SGCD: variants seen among roughly 807,000 people sequenced by gnomAD.
SGCD encodes sarcoglycan delta.
In SGCD, 18 loss-of-function variants were observed where a neutral mutation model predicts 36.6. The observed-to-expected ratio is 0.49, with a 90% CI of 0.34 to 0.73. The LOEUF (loss-of-function observed/expected upper bound fraction) is 0.73, where lower values mean the gene tolerates loss of function less well. Ranked by LOEUF, SGCD falls within the 30% of genes least tolerant of loss-of-function variation. The pLI is 0.01. For synonymous variants in SGCD, 133 were observed against 130.6 expected, an observed-to-expected ratio of 1.02 and a Z score of -0.12; for missense variants, 387 against 346.7, an observed-to-expected ratio of 1.12 and a Z score of -0.92.
chr5:155,939,550 C>T (rs1757281748), intron 1 of SGCD, among the ~76,000 whole-genome samples: 1 of 149,834 alleles, frequency 6.7e-6, no homozygotes, highest in Non-Finnish European at 1.5e-5. Context: ...AAGGCTGAGA[C>T]AGGAGAATTG....
intron 3 of SGCD, among the ~76,000 whole-genome samples, chr5:156,278,942 T>C (rs2127672553): frequency 6.6e-6 from 1 of 152,256 alleles, no homozygotes; most frequent in Admixed American, 6.5e-5. Context: ...ATGAAAGCAA[T>C]GTTGTCTTCT....
At chr5:156,049,413 G>A (rs1759859026) in intron 1 of SGCD, among the ~76,000 whole-genome samples, 1 of 144,936 alleles carries the variant, frequency 6.9e-6, no homozygotes, top group Admixed American at 6.9e-5. Context: ...AATTCCCTTG[G>A]GCAGTATGGC....
intron 3 of SGCD, among the ~76,000 whole-genome samples, chr5:156,417,619 C>T (rs755326609): frequency 7.2e-5 from 11 of 152,276 alleles, no homozygotes; most frequent in Non-Finnish European, 1.0e-4. Flanking sequence ...TCCTGGCTTG[C>T]ATCCTCACAT....
intron 6 of SGCD, among the ~76,000 whole-genome samples, chr5:156,635,451 T>A (rs967842441): frequency 2.0e-5 from 3 of 152,148 alleles, no homozygotes; most frequent in Non-Finnish European, 4.4e-5. Flanking sequence ...TGTAAACTAG[T>A]TCAACCATTG....
At chr5:156,222,651 AT>A (rs1213542882) in intron 3 of SGCD, among the ~76,000 whole-genome samples, 11 of 152,086 alleles carry the variant, frequency 7.2e-5, no homozygotes. Context: ...TTTGTCTCAA[AT>A]TTTTACAAAA....
Position 155,872,689 on chromosome 5 carries a change from T to C in SGCD, c.-282+2265T>C, listed in dbSNP as rs573232279. Among the ~76,000 whole-genome samples the C allele has an allele frequency of 3.3e-5, 5 of 152,230 alleles. No individual in the cohort carries two copies. The East Asian group carries it at 7.7e-4, about 24-fold the overall frequency. On this transcript the variant is annotated intron_variant, in intron 1 of 9. Coordinates refer to the SGCD transcript ENST00000517913. Reference sequence around the variant, plus strand: ...TTATTAAGTACTTCACTGAGAACCATAGAATGTCAGATGCTGTACCAAGGG... The same window carrying C: ...TTATTAAGTACTTCACTGAGAACCACAGAATGTCAGATGCTGTACCAAGGG...
Position 156,557,920 on chromosome 5 carries a change from T to C in SGCD, c.295-31311T>C, listed in dbSNP as rs72801143. Among the ~76,000 whole-genome samples, 903 of 151,834 alleles carry C rather than the reference T, an allele frequency of 5.9e-3. 6 individuals carry two copies. Among genetic ancestry groups the C allele is most frequent in the Non-Finnish European group, 0.01 (701 of 67,884 alleles). On this transcript the variant is annotated intron_variant, in intron 4 of 8. Coordinates refer to ENST00000337851, the MANE Select transcript of SGCD (RefSeq NM_000337.6). ...TAAACCTGTGAAAATTCTCACGTTA[T>C]ATCCTGATTTGGAGAGTTGTCCATC...
At chr5:155,912,410 A>G (rs1756648706) in intron 1 of SGCD, among the ~76,000 whole-genome samples, 1 of 152,240 alleles carries the variant, frequency 6.6e-6, no homozygotes, top group South Asian at 2.1e-4. Flanking sequence ...AAATGCCTTC[A>G]ACATTTTTCT....
intron 3 of SGCD, among the ~76,000 whole-genome samples, chr5:156,317,159 C>CT (rs1767539427): frequency 6.6e-6 from 1 of 152,026 alleles, no homozygotes; most frequent in East Asian, 1.9e-4. Context: ...ATTTAAATAT[C>CT]AACTAATGGG....
intron 3 of SGCD, among the ~76,000 whole-genome samples, chr5:156,169,673 A>G (rs552759980): frequency 6.1e-4 from 93 of 152,284 alleles, no homozygotes; most frequent in African/African-American, 2.0e-3. Context: ...CAGATCAAGT[A>G]AACAGAAGGT....
At chr5:155,991,770 T>C (rs1386256767) in intron 1 of SGCD, among the ~76,000 whole-genome samples, 2 of 152,232 alleles carry the variant, frequency 1.3e-5, no homozygotes, top group African/African-American at 4.8e-5. Context: ...ATATTTGTCA[T>C]TATTTTCTGA....
the SGCD span, among the ~76,000 whole-genome samples, chr5:155,765,048 G>A: frequency 1.3e-5 from 2 of 152,044 alleles, no homozygotes; most frequent in Non-Finnish European, 2.9e-5. Flanking sequence ...GGAGGTTGAG[G>A]TGGGAAGATC....
intron 7 of SGCD, among the ~76,000 whole-genome samples, chr5:156,670,096 CT>C (rs1753225840): frequency 6.6e-6 from 1 of 151,914 alleles, no homozygotes. Flanking sequence ...GTGGATTTTA[CT>C]TAAAAATTAA....
At chr5:155,801,679 C>T in the SGCD span, among the ~76,000 whole-genome samples, 934 of 152,276 alleles carry the variant, frequency 6.1e-3, 4 homozygotes, top group Middle Eastern at 0.01. Context: ...TAATAATAGT[C>T]ATAGCTATAA....
At chr5:156,301,512 C>A (rs1303445751) in intron 3 of SGCD, among the ~76,000 whole-genome samples, 2 of 152,034 alleles carry the variant, frequency 1.3e-5, no homozygotes, top group Non-Finnish European at 1.5e-5. Flanking sequence ...TGATTTTCGT[C>A]TTTTCACTCA....
chr5:156,038,836 G>A (rs1036418430), intron 1 of SGCD, among the ~76,000 whole-genome samples: 5 of 152,144 alleles, frequency 3.3e-5, no homozygotes, highest in Admixed American at 1.3e-4. Flanking sequence ...CATTGAGGCT[G>A]TTTTAATTTT....
chr5:155,922,738 A>G (rs541119946), intron 1 of SGCD, among the ~76,000 whole-genome samples: 2 of 152,256 alleles, frequency 1.3e-5, no homozygotes, highest in South Asian at 4.2e-4. Flanking sequence ...CCACTAGTGC[A>G]TGTATTTTGG....
the SGCD span, among the ~76,000 whole-genome samples, chr5:155,738,705 TGTGTGA>T: frequency 6.8e-6 from 1 of 146,154 alleles, no homozygotes; most frequent in Non-Finnish European, 1.5e-5. Flanking sequence ...TATATGAGAG[TGTGTGA>T]GTGTGAGAGA....
intron 3 of SGCD, among the ~76,000 whole-genome samples, chr5:156,137,135 C>T (rs183648697): frequency 6.6e-6 from 1 of 152,298 alleles, no homozygotes; most frequent in Admixed American, 6.5e-5. Flanking sequence ...TTTCTGAAAA[C>T]ACTAAGTGAA....
Sources: gnomAD v4.1 joint callset for allele counts (sites outside exome capture counted in the v4.1 genomes callset) on GRCh38, gnomAD v4.1.1 for gene constraint, MANE v1.5 for transcripts, NCBI Gene and HGNC (gene_info 2026-07-23, HGNC 2026-07-21) for gene names.